GALNT17: variants seen among roughly 807,000 people sequenced by gnomAD.
The protein encoded by GALNT17 is UDP-GalNAc:polypeptide N-acetylgalactosaminyltransferase-like 3.
In GALNT17, 29 loss-of-function variants were observed where a neutral mutation model predicts 63.7. The ratio of observed to expected loss-of-function variants is 0.46; its 90% CI spans 0.34 to 0.62. GALNT17 has a LOEUF of 0.62. Ranked by LOEUF, GALNT17 falls within the 20% of genes least tolerant of loss-of-function variation. The pLI is 0.01. For synonymous variants in GALNT17, 305 were observed against 318.3 expected (o/e 0.96, Z 0.45); for missense variants, 603 against 799.6 (o/e 0.75, Z 2.97).
At chr7:71,263,903 G>T (rs1473515160) in intron 1 of GALNT17, among the ~76,000 whole-genome samples, 1 of 152,144 alleles carries the variant, frequency 6.6e-6, no homozygotes, top group East Asian at 1.9e-4. Flanking sequence ...CAGCCTGGGC[G>T]ATAGAGCGAC....
intron 6 of GALNT17, among the ~76,000 whole-genome samples, chr7:71,622,743 A>G (rs1790315214): frequency 6.6e-6 from 1 of 152,194 alleles, no homozygotes; most frequent in Admixed American, 6.5e-5. Flanking sequence ...TGGGAAGACC[A>G]CAGGCTCTTC....
chr7:71,652,621 G>A (rs1404712122), intron 6 of GALNT17, among the ~76,000 whole-genome samples: 1 of 152,120 alleles, frequency 6.6e-6, no homozygotes, highest in African/African-American at 2.4e-5. Flanking sequence ...TCAGACAAAG[G>A]GCTAAAATTT....
chr7:71,228,110 T>G (rs1211365240), intron 1 of GALNT17, among the ~76,000 whole-genome samples: 3 of 152,124 alleles, frequency 2.0e-5, no homozygotes, highest in Middle Eastern at 3.4e-3. Context: ...TTGCTTGGTG[T>G]GTGTGTGTGT....
In GALNT17 at chr7:71,148,860, TTATATATATATATATATA is replaced by T. The variant is rs59163644; in HGVS notation, c.238+15836_238+15853del. On this transcript the variant is annotated intron_variant, in intron 1 of 10. Coordinates refer to ENST00000333538, the MANE Select transcript of GALNT17 (RefSeq NM_022479.3). ...GAAATACAGTAGTATTATGGTATTT[TTATATATATATATATATA>T]TATATATATATATATGTATACCATA... Among the ~76,000 whole-genome samples, 699 of 103,268 alleles carry T rather than the reference TTATATATATATATATATA, an allele frequency of 6.8e-3. 28 individuals are homozygous for T. The highest frequency in any genetic ancestry group is 6.3e-3 in the Non-Finnish European group (337 of 53,114). 67.7% of individuals were successfully genotyped at this position (103,268 alleles called of 152,430 possible). A position where few individuals can be genotyped will look rare whatever the true frequency, so the allele number is the denominator to read the frequency against.
chr7:71,292,544 G>A (rs888145718), intron 1 of GALNT17, among the ~76,000 whole-genome samples: 9 of 151,962 alleles, frequency 5.9e-5, no homozygotes, highest in African/African-American at 2.2e-4. Flanking sequence ...ATATATTCAA[G>A]ATGTATTGAT....
chr7:71,154,703 A>C (rs1788200275), intron 1 of GALNT17, among the ~76,000 whole-genome samples: 1 of 152,016 alleles, frequency 6.6e-6, no homozygotes, highest in African/African-American at 2.4e-5. Context: ...CAGCCTCCTG[A>C]GTAGCTGGGA....
intron 1 of GALNT17, among the ~76,000 whole-genome samples, chr7:71,236,870 C>T (rs916678893): frequency 1.3e-5 from 2 of 152,182 alleles, no homozygotes; most frequent in Non-Finnish European, 2.9e-5. Context: ...AAAAGAAAGC[C>T]AGGACGGGGA....
chr7:71,495,275 CA>C (rs771107203), intron 5 of GALNT17, among the ~76,000 whole-genome samples: 9 of 142,880 alleles, frequency 6.3e-5, no homozygotes, highest in South Asian at 2.2e-4. Context: ...GACACCATCT[CA>C]AAAAAAAAAG....
chr7:71,169,745 G>A (rs1267214476), intron 1 of GALNT17, among the ~76,000 whole-genome samples: 9 of 151,928 alleles, frequency 5.9e-5, no homozygotes, highest in African/African-American at 2.2e-4. Flanking sequence ...TTGTAGAGAC[G>A]GGGTTTCACC....
chr7:71,256,320 C>G (rs920865972), intron 1 of GALNT17, among the ~76,000 whole-genome samples: 3 of 152,206 alleles, frequency 2.0e-5, no homozygotes, highest in African/African-American at 4.8e-5. Flanking sequence ...ACCTGTCATC[C>G]CAGCACTTTG....
At chr7:71,251,066 C>A (rs910786977) in intron 1 of GALNT17, among the ~76,000 whole-genome samples, 1 of 152,146 alleles carries the variant, frequency 6.6e-6, no homozygotes, top group African/African-American at 2.4e-5. Context: ...ATGTGCACAA[C>A]GTGCAGGTTT....
At chr7:71,281,096 A>G (rs1048325592) in intron 1 of GALNT17, among the ~76,000 whole-genome samples, 12 of 152,206 alleles carry the variant, frequency 7.9e-5, no homozygotes, top group South Asian at 2.1e-4. Flanking sequence ...GGAATGCCCA[A>G]AGTTGCCAGG....
chr7:71,537,751 T>G (rs1788823889), intron 5 of GALNT17, among the ~76,000 whole-genome samples: 1 of 152,084 alleles, frequency 6.6e-6, no homozygotes, highest in Non-Finnish European at 1.5e-5. Flanking sequence ...AGGCAGAGGC[T>G]GCAATGAGCT....
chr7:71,426,147 TTCAACA>T (rs2116470110), intron 5 of GALNT17, among the ~76,000 whole-genome samples: 1 of 152,284 alleles, frequency 6.6e-6, no homozygotes, highest in Non-Finnish European at 1.5e-5. Flanking sequence ...GGGATTACAA[TTCAACA>T]TGAGATTTGG....
intron 2 of GALNT17, among the ~76,000 whole-genome samples, chr7:71,368,223 C>T (rs1792551330): frequency 1.3e-5 from 2 of 152,194 alleles, no homozygotes; most frequent in African/African-American, 4.8e-5. Flanking sequence ...GGTCTAAAAC[C>T]CTTGACACTG....
intron 9 of GALNT17, among the ~76,000 whole-genome samples, chr7:71,695,134 G>C (rs898174053): frequency 2.6e-5 from 4 of 152,134 alleles, no homozygotes; most frequent in Non-Finnish European, 4.4e-5. Flanking sequence ...AGTGGACTAC[G>C]CATTCCCTCT....
rs562673329 is a variant in GALNT17, at chr7:71,317,865, C to T, written c.239-17685C>T. ...AGATAAAGAAGAATTTGGCTTCTTC[C>T]TTTCTTTTTTCTGGTTTCTGTGATG... is the stretch of plus-strand genomic sequence containing the variant. On this transcript the variant is annotated intron_variant, in intron 1 of 10. Transcript: ENST00000333538. 1.3e-4 allele frequency among the ~76,000 whole-genome samples: 20 copies of T among 152,158 alleles called. No homozygotes were observed. The East Asian group carries it at 3.7e-3, about 28-fold the overall frequency.
chr7:71,297,893 T>A (rs1342050384), intron 1 of GALNT17, among the ~76,000 whole-genome samples: 1 of 152,186 alleles, frequency 6.6e-6, no homozygotes, highest in East Asian at 1.9e-4. Flanking sequence ...AAACATCATC[T>A]CTGGGGTGGG....
intron 5 of GALNT17, among the ~76,000 whole-genome samples, chr7:71,557,079 G>T (rs532969336): frequency 4.8e-5 from 7 of 144,952 alleles, no homozygotes; most frequent in Non-Finnish European, 9.0e-5. Flanking sequence ...TTTGGGGAGA[G>T]ATAGGGTCTC....
Sources: allele counts gnomAD v4.1 joint callset (sites outside exome capture counted in the v4.1 genomes callset), GRCh38; gene constraint gnomAD v4.1.1; transcripts MANE v1.5; gene names NCBI Gene and HGNC (gene_info 2026-07-23, HGNC 2026-07-21).